NAALADL2: variants seen among roughly 807,000 people sequenced by gnomAD.
NAALADL2 encodes N-acetylated alpha-linked acidic dipeptidase like 2.
NAALADL2 carries 76 observed loss-of-function variants against 87.2 expected under a neutral mutation model. The ratio of observed to expected loss-of-function variants is 0.87; its 90% CI spans 0.72 to 1.05. NAALADL2 has a LOEUF of 1.05. Ranked by LOEUF, NAALADL2 falls within the 50% of genes least tolerant of loss-of-function variation. NAALADL2 has a pLI of 0.00. For missense variants in NAALADL2, 1,089 were observed against 945.8 expected (o/e 1.15, Z -1.99); for synonymous variants, 354 against 331.0 (o/e 1.07, Z -0.75).
intron 5 of NAALADL2, among the ~76,000 whole-genome samples, chr3:175,431,431 G>A (rs749883822): frequency 6.6e-6 from 1 of 151,974 alleles, no homozygotes. Context: ...CTGGCGTAAT[G>A]TGACTCATTT....
chr3:174,710,427 T>A (rs187897120), intron 2 of NAALADL2, among the ~76,000 whole-genome samples: 1 of 152,176 alleles, frequency 6.6e-6, no homozygotes, highest in African/African-American at 2.4e-5. Flanking sequence ...GCTAATTTTG[T>A]ATTTTTAGTA....
intron 13 of NAALADL2, among the ~76,000 whole-genome samples, chr3:175,772,500 A>C (rs979369047): frequency 2.6e-5 from 4 of 152,152 alleles, no homozygotes; most frequent in Non-Finnish European, 4.4e-5. Flanking sequence ...TTCTTCACCT[A>C]AGTAGTGACA....
chr3:175,640,910 A>G (rs1392384396), intron 11 of NAALADL2, among the ~76,000 whole-genome samples: 4 of 152,220 alleles, frequency 2.6e-5, no homozygotes. Flanking sequence ...AAGTAGGAAC[A>G]GAGAGAGCCA....
chr3:174,508,350 T>A (rs1473553611), intron 1 of NAALADL2, among the ~76,000 whole-genome samples: 1 of 152,126 alleles, frequency 6.6e-6, no homozygotes, highest in Non-Finnish European at 1.5e-5. Context: ...CCTGACCTTG[T>A]GATCCGCCCG....
At chr3:174,831,276 C>T (rs1032598014) in intron 3 of NAALADL2, among the ~76,000 whole-genome samples, 24 of 149,902 alleles carry the variant, frequency 1.6e-4, no homozygotes, top group South Asian at 4.2e-4. Flanking sequence ...TTTTGAAATA[C>T]GTCCCATCAA....
chr3:174,966,502 G>A (rs890640302), intron 1 of NAALADL2, among the ~76,000 whole-genome samples: 2 of 152,176 alleles, frequency 1.3e-5, no homozygotes, highest in African/African-American at 4.8e-5. Flanking sequence ...GTGAGCTGAT[G>A]GGTATGAGAG....
At chr3:174,990,773 A>G (rs923786041) in intron 1 of NAALADL2, among the ~76,000 whole-genome samples, 35 of 152,150 alleles carry the variant, frequency 2.3e-4, no homozygotes, top group African/African-American at 8.2e-4. Flanking sequence ...GCTTTTAAAA[A>G]CAATACTGAT....
intron 9 of NAALADL2, among the ~76,000 whole-genome samples, chr3:175,559,679 G>A (rs1715952970): frequency 6.6e-6 from 1 of 152,074 alleles, no homozygotes; most frequent in African/African-American, 2.4e-5. Flanking sequence ...TGCTTTTTCA[G>A]CATCAATTGA....
chr3:174,621,527 G>C (rs946575806), intron 2 of NAALADL2, among the ~76,000 whole-genome samples: 1 of 152,090 alleles, frequency 6.6e-6, no homozygotes, highest in African/African-American at 2.4e-5. Flanking sequence ...TGAAATAAAT[G>C]ATGACCCTTG....
intron 1 of NAALADL2, among the ~76,000 whole-genome samples, chr3:174,968,217 A>C (rs76917881): frequency 1.5e-3 from 229 of 152,246 alleles, no homozygotes; most frequent in African/African-American, 5.3e-3. Context: ...TGCTGCTGCT[A>C]TTGTTACCAT....
chr3:175,433,885 C>G lies in NAALADL2; in HGVS notation c.1091-13344C>G, dbSNP rs143969987. ...CTGACTGGAGTTCTCTGTAGAGACA[C>G]TTTTCAATGATGAAATGATGAATCT... On this transcript the variant is annotated intron_variant, in intron 5 of 13. Coordinates refer to ENST00000454872, the MANE Select transcript of NAALADL2 (RefSeq NM_207015.3). Among the ~76,000 whole-genome samples, 757 of 152,016 alleles carry G rather than the reference C, an allele frequency of 5.0e-3. 10 individuals carry two copies. Among genetic ancestry groups the G allele is most frequent in the African/African-American group, 0.017 (698 of 41,500 alleles).
chr3:174,983,670 C>G (rs896060176), intron 1 of NAALADL2, among the ~76,000 whole-genome samples: 2 of 152,220 alleles, frequency 1.3e-5, no homozygotes, highest in Admixed American at 1.3e-4. Flanking sequence ...TAATCGCACT[C>G]AAGGTGATTC....
intron 11 of NAALADL2, 25 bp downstream of exon 11, chr3:175,627,411 T>C: frequency 1.4e-6 from 2 of 1,405,846 alleles, no homozygotes; most frequent in Non-Finnish European, 2.0e-6. Context: ...CATTCAAAAA[T>C]AGGTGAGAAA....
intron 9 of NAALADL2, among the ~76,000 whole-genome samples, chr3:175,509,370 T>C (rs1462840795): frequency 6.6e-6 from 1 of 152,162 alleles, no homozygotes; most frequent in Non-Finnish European, 1.5e-5. Context: ...CTGTAGGGCT[T>C]CAGATAGTGA....
intron 5 of NAALADL2, among the ~76,000 whole-genome samples, chr3:175,394,235 GA>G (rs539686699): frequency 4.6e-5 from 7 of 151,992 alleles, no homozygotes; most frequent in African/African-American, 1.4e-4. Flanking sequence ...TTGAGAAGAT[GA>G]AAAAAAAGTC....
At chr3:174,463,385 T>C (rs1265563752) in intron 1 of NAALADL2, among the ~76,000 whole-genome samples, 4 of 152,190 alleles carry the variant, frequency 2.6e-5, no homozygotes, top group Admixed American at 2.6e-4. Flanking sequence ...AGGACCTTTA[T>C]AGTCAAGCTT....
intron 2 of NAALADL2, among the ~76,000 whole-genome samples, chr3:174,708,715 A>G (rs985503008): frequency 1.3e-5 from 2 of 152,136 alleles, no homozygotes; most frequent in African/African-American, 4.8e-5. Flanking sequence ...TTCTTTTTAC[A>G]ATGACCTTTT....
rs555051262 is a variant in NAALADL2, at chr3:175,066,318, G to A, written c.44-30472G>A. On this transcript the variant is annotated intron_variant, in intron 1 of 13. Transcript: ENST00000454872. ...GCCTTTCCTAACCCTCCAAGCCTGG[G>A]TTAGGCAGCTTTCTTGAGTGCTCCT... Among the ~76,000 whole-genome samples the A allele has an allele frequency of 2.0e-4, 30 of 152,248 alleles. No individual in the cohort carries two copies. The South Asian group carries it at 6.0e-3, about 30-fold the overall frequency.
intron 1 of NAALADL2, among the ~76,000 whole-genome samples, chr3:175,094,801 A>G (rs6791022): frequency 0.45 from 65,464 of 146,708 alleles, 14,698 homozygotes; most frequent in Non-Finnish European, 0.49. Flanking sequence ...AATATTATAC[A>G]TCCTCCTCTC....
Sources: allele counts gnomAD v4.1 joint callset (sites outside exome capture counted in the v4.1 genomes callset), GRCh38; gene constraint gnomAD v4.1.1; transcripts MANE v1.5; gene names NCBI Gene and HGNC (gene_info 2026-07-23, HGNC 2026-07-21).